Variants in CYS1 observed in about 807,000 individuals in gnomAD.
The protein encoded by CYS1 is cystin-1.
A neutral mutation model predicts 9.6 loss-of-function variants in CYS1; 5 were observed. The ratio of observed to expected loss-of-function variants is 0.52; its 90% CI spans 0.27 to 1.10. CYS1 has a LOEUF of 1.10. Ranked by LOEUF, CYS1 falls within the 50% of genes least tolerant of loss-of-function variation. The pLI is 0.11. For missense variants in CYS1, 221 were observed against 207.9 expected, an observed-to-expected ratio of 1.06 and a Z score of -0.39; for synonymous variants, 88 against 95.7, an observed-to-expected ratio of 0.92 and a Z score of 0.47.
At chr2:10,078,765 T>C (rs750628646) in intron 1 of CYS1, among the ~76,000 whole-genome samples, 1 of 152,206 alleles carries the variant, frequency 6.6e-6, no homozygotes, top group Non-Finnish European at 1.5e-5. Flanking sequence ...GCCTCATCCC[T>C]AGCACCCACA....
chr2:10,065,267 T>C (rs1019481829), intron 2 of CYS1, among the ~76,000 whole-genome samples: 1 of 152,140 alleles, frequency 6.6e-6, no homozygotes, highest in Admixed American at 6.5e-5. Flanking sequence ...TGGCTAACAT[T>C]TCCAAACTTT....
In CYS1 at chr2:10,058,649, T is replaced by C. The variant is rs1572452375; in HGVS notation, c.*204A>G. The C allele has an allele frequency of 1.9e-6, 1 of 522,472 alleles. No homozygotes were observed. The highest frequency in any genetic ancestry group is 3.4e-6 in the Non-Finnish European group (1 of 291,210). 32.4% of individuals were successfully genotyped at this position (522,472 alleles called of 1,614,324 possible). A position where few individuals can be genotyped will look rare whatever the true frequency, so the allele number is the denominator to read the frequency against. ...CCACGCACCTGTGGGTCTACACAGC[T>C]AATCGCCCCCACCAGCAACCATGAC... is the stretch of plus-strand genomic sequence containing the variant. On this transcript the variant is annotated 3_prime_UTR_variant, in exon 3 of 3. Coordinates refer to ENST00000381813, the MANE Select transcript of CYS1 (RefSeq NM_001037160.3).
chr2:10,059,406 G>A (rs1661595968), intron 2 of CYS1, among the ~76,000 whole-genome samples: 1 of 152,244 alleles, frequency 6.6e-6, no homozygotes, highest in Admixed American at 6.5e-5. Flanking sequence ...CTTAATCAAT[G>A]GGAATCACGG....
At chr2:10,078,631 A>C (rs1364859817) in intron 1 of CYS1, among the ~76,000 whole-genome samples, 1 of 152,162 alleles carries the variant, frequency 6.6e-6, no homozygotes, top group Non-Finnish European at 1.5e-5. Context: ...GGGAATGCCT[A>C]CCTGCCTCCC....
Position 10,058,361 on chromosome 2 carries a change from T to TA in CYS1, c.*491dup, listed in dbSNP as rs1340867307. ...ACCCCCAGGCTGCTCATTAGGGAGT[T>TA]AAAGTTGAGAAGCACTAAGCTGACC... On this transcript the variant is annotated 3_prime_UTR_variant, in exon 3 of 3. Transcript: ENST00000381813. The TA allele has an allele frequency of 6.5e-6, 1 of 152,922 alleles. No homozygotes were observed. Among genetic ancestry groups the TA allele is most frequent in the Non-Finnish European group, 1.5e-5 (1 of 68,630 alleles). The allele number at this position is 152,922 out of a possible 1,614,324, so 9.5% of individuals were successfully genotyped here.
intron 2 of CYS1, among the ~76,000 whole-genome samples, chr2:10,060,621 G>A (rs983820533): frequency 2.6e-5 from 4 of 152,228 alleles, no homozygotes; most frequent in East Asian, 1.9e-4. Context: ...CACTGTTGAC[G>A]CCTGCAGGGC....
At chr2:10,064,484 C>T (rs934685250) in intron 2 of CYS1, among the ~76,000 whole-genome samples, 21 of 152,090 alleles carry the variant, frequency 1.4e-4, no homozygotes, top group Middle Eastern at 3.2e-3. Flanking sequence ...CTACCTCCCC[C>T]TCTGCAGCAG....
intron 1 of CYS1, among the ~76,000 whole-genome samples, chr2:10,079,474 A>G (rs1661906755): frequency 6.6e-6 from 1 of 152,232 alleles, no homozygotes; most frequent in Non-Finnish European, 1.5e-5. Context: ...CATCCTAAAA[A>G]TATCAGTAAC....
rs1398353298 is a variant in CYS1 at position 10,057,512 on chromosome 2, G to A, written c.*1341C>T. On this transcript the variant is annotated 3_prime_UTR_variant, in exon 3 of 3. Coordinates refer to ENST00000381813, the MANE Select transcript of CYS1 (RefSeq NM_001037160.3). ...CTGTGTTCTAAGGACCTGCGAGCTGGAGCTCTTCTCGGGAAAAAGAAAACG... is the reference window on the plus strand; with the variant it reads ...CTGTGTTCTAAGGACCTGCGAGCTGAAGCTCTTCTCGGGAAAAAGAAAACG... 1 of 152,362 alleles carries A rather than the reference G, an allele frequency of 6.6e-6. No homozygotes were observed. The highest frequency in any genetic ancestry group is 2.4e-5 in the African/African-American group (1 of 41,476). 9.4% of individuals were successfully genotyped at this position (152,362 alleles called of 1,614,324 possible).
chr2:10,070,895 C>T (rs534608431), intron 1 of CYS1, among the ~76,000 whole-genome samples: 10 of 152,268 alleles, frequency 6.6e-5, no homozygotes, highest in Admixed American at 3.9e-4. Context: ...CCCCCCACCT[C>T]GGCCTCCTAA....
chr2:10,069,301 A>T (rs577016637), intron 1 of CYS1, among the ~76,000 whole-genome samples: 1 of 152,250 alleles, frequency 6.6e-6, no homozygotes, highest in Non-Finnish European at 1.5e-5. Context: ...ATTTTCAGAC[A>T]TACAAAGACT....
intron 1 of CYS1, among the ~76,000 whole-genome samples, chr2:10,074,564 G>A (rs1383654160): frequency 6.6e-6 from 1 of 152,144 alleles, no homozygotes; most frequent in Non-Finnish European, 1.5e-5. Flanking sequence ...GAAAGAGTTG[G>A]GAGGAAGGGA....
intron 1 of CYS1, among the ~76,000 whole-genome samples, chr2:10,071,508 G>A (rs1159865282): frequency 1.3e-5 from 2 of 152,262 alleles, no homozygotes; most frequent in Non-Finnish European, 2.9e-5. Context: ...CAGAGCGGAC[G>A]CAGGAGGAAG....
chr2:10,065,210 G>A (rs1390151731), intron 2 of CYS1, among the ~76,000 whole-genome samples: 2 of 152,324 alleles, frequency 1.3e-5, no homozygotes, highest in South Asian at 2.1e-4. Flanking sequence ...TTAAATAAGC[G>A]AGTTCAGCAG....
rs995606698 is a variant in CYS1, at chr2:10,063,151, A to C, written c.371+2753T>G. Among the ~76,000 whole-genome samples the C allele has an allele frequency of 2.0e-5, 3 of 152,254 alleles. No homozygotes were observed. Among genetic ancestry groups the C allele is most frequent in the Non-Finnish European group, 4.4e-5 (3 of 68,050 alleles). On this transcript the variant is annotated intron_variant, in intron 2 of 2. Transcript: ENST00000381813. The surrounding 1 kb of genome is among the most constrained non-coding windows in gnomAD (Gnocchi z 4.2). ...CAGGCTGACATTAAACAATCCTGTC[A>C]ATAAGCGTCTATGAAATGCTACCAT...
At chr2:10,078,657 T>G (rs764661211) in intron 1 of CYS1, among the ~76,000 whole-genome samples, 1 of 152,218 alleles carries the variant, frequency 6.6e-6, no homozygotes, top group Non-Finnish European at 1.5e-5. Context: ...ATTAGCCGCT[T>G]TCTCCTGTGG....
At chr2:10,061,225 C>A (rs1455857719) in intron 2 of CYS1, among the ~76,000 whole-genome samples, 2 of 152,024 alleles carry the variant, frequency 1.3e-5, no homozygotes, top group African/African-American at 4.8e-5. Flanking sequence ...GAACAAGACC[C>A]TATCTCAAAA....
rs1661567016 is a variant in CYS1 at position 10,057,544 on chromosome 2, A to C, written c.*1309T>G. On this transcript the variant is annotated 3_prime_UTR_variant, in exon 3 of 3. Transcript: ENST00000381813. ...TCTCGGGAAAAAGAAAACGCTGGGGAGGCCTCCGTGTGGGCGGGTCAAGCC... is the reference window on the plus strand; with the variant it reads ...TCTCGGGAAAAAGAAAACGCTGGGGCGGCCTCCGTGTGGGCGGGTCAAGCC... 1 of 152,352 alleles carries C rather than the reference A, an allele frequency of 6.6e-6. No individual in the cohort carries two copies. 9.4% of individuals were successfully genotyped at this position (152,352 alleles called of 1,614,324 possible). A position where few individuals can be genotyped will look rare whatever the true frequency, so the allele number is the denominator to read the frequency against.
intron 2 of CYS1, among the ~76,000 whole-genome samples, chr2:10,060,615 G>A (rs533092517): frequency 1.3e-5 from 2 of 152,390 alleles, no homozygotes; most frequent in Admixed American, 1.3e-4. Context: ...CGTGGTCACT[G>A]TTGACGCCTG....
Sources: allele counts gnomAD v4.1 joint callset (sites outside exome capture counted in the v4.1 genomes callset), GRCh38; gene constraint gnomAD v4.1.1; non-coding constraint Gnocchi (gnomAD v3.1); transcripts MANE v1.5; gene names NCBI Gene and HGNC (gene_info 2026-07-23, HGNC 2026-07-21).